The following KAT2B variants were observed in gnomAD, a reference collection of about 807,000 sequenced individuals.
The protein encoded by KAT2B is histone acetyltransferase KAT2B.
KAT2B carries 36 observed loss-of-function variants against 105.9 expected under a neutral mutation model. The ratio of observed to expected loss-of-function variants is 0.34; its 90% confidence interval spans 0.26 to 0.45. The LOEUF is 0.45. Ranked by LOEUF, KAT2B falls within the 20% of genes least tolerant of loss-of-function variation. The pLI is 1.00. For missense variants in KAT2B, 820 were observed against 1,021.6 expected, an observed-to-expected ratio of 0.80 and a Z score of 2.69; for synonymous variants, 397 against 377.9, an observed-to-expected ratio of 1.05 and a Z score of -0.59.
At chr3:20,145,905 A>G (rs957339171) in intron 13 of KAT2B, among the ~76,000 whole-genome samples, 6 of 152,172 alleles carry the variant, frequency 3.9e-5, no homozygotes, top group Admixed American at 1.3e-4. Context: ...TCCGAAGGGA[A>G]CAGTTCCTAG....
rs772295868 is a variant in KAT2B, at chr3:20,095,387, A to G, written c.555A>G (p.Gln185=). 1.3e-6 allele frequency: 2 copies of G among 1,591,084 alleles called. No homozygotes were observed. Among genetic ancestry groups the G allele is most frequent in the South Asian group, 2.2e-5 (2 of 89,930 alleles). Residue 185 remains glutamine, a synonymous_variant, in exon 3 of 18, where the codon CAA becomes CAG. Transcript: ENST00000263754. ...VHKEEDADTK[Q]VYFYLFKLLR... ...AGGAAGAAGATGCAGATACCAAACA[A>G]GTTTATTTCTATCTATTTAAGGTGA...
chr3:20,063,443 T>C (rs1377238812), intron 1 of KAT2B, among the ~76,000 whole-genome samples: 2 of 151,320 alleles, frequency 1.3e-5, no homozygotes, highest in Non-Finnish European at 2.9e-5. Context: ...CTTTCTTTCT[T>C]TTTTTTTCTT....
At chr3:20,086,053 T>C (rs1421297535) in intron 2 of KAT2B, among the ~76,000 whole-genome samples, 1 of 151,866 alleles carries the variant, frequency 6.6e-6, no homozygotes, top group Non-Finnish European at 1.5e-5. Flanking sequence ...GATGGATCGC[T>C]TGAGCTCAGA....
chr3:20,086,231 C>T (rs1698612438), intron 2 of KAT2B, among the ~76,000 whole-genome samples: 1 of 151,834 alleles, frequency 6.6e-6, no homozygotes, highest in Non-Finnish European at 1.5e-5. Flanking sequence ...CATAATTGTG[C>T]CACTACAATC....
At position 20,093,697 on chromosome 3, in the gene KAT2B, C is replaced by T. The variant is rs145686216; in HGVS notation, c.431-1566C>T. 5.3e-5 allele frequency among the ~76,000 whole-genome samples: 8 copies of T among 152,270 alleles called. No individual in the cohort carries two copies. The East Asian group carries it at 7.7e-4, about 15-fold the overall frequency. ...GGAAAAATCTATCACTTTTTAAATA[C>T]GTATTTTAATCTTTCTTTAAAAATC... On this transcript the variant is annotated intron_variant, in intron 2 of 17. Coordinates refer to ENST00000263754, the MANE Select transcript of KAT2B (RefSeq NM_003884.5).
chr3:20,111,517 C>A, intron 5 of KAT2B, 79 bp from the exon 6 acceptor site: 2 of 1,164,770 alleles, frequency 1.7e-6, no homozygotes, highest in Non-Finnish European at 2.4e-6. Context: ...GTTAATAGTA[C>A]GAGATAAACA....
intron 1 of KAT2B, among the ~76,000 whole-genome samples, chr3:20,041,846 T>A (rs940194321): frequency 7.9e-5 from 12 of 152,242 alleles, no homozygotes; most frequent in Admixed American, 7.8e-4. Context: ...CAGTGACCAC[T>A]TCTGAATTTT....
intron 2 of KAT2B, among the ~76,000 whole-genome samples, chr3:20,084,901 A>AAAAGTAAGCTACTT (rs1698586608): frequency 2.0e-5 from 3 of 152,220 alleles, no homozygotes; most frequent in African/African-American, 7.2e-5. Context: ...GTAAGCTACT[A>AAAAGTAAGCTACTT]TTTCAAAAGT....
At chr3:20,053,278 G>T (rs1697946582) in intron 1 of KAT2B, among the ~76,000 whole-genome samples, 2 of 152,202 alleles carry the variant, frequency 1.3e-5, no homozygotes, top group Admixed American at 1.3e-4. Context: ...AATCCCAGGT[G>T]TGGGATCCTA....
chr3:20,044,757 G>A (rs1319080514), intron 1 of KAT2B, among the ~76,000 whole-genome samples: 1 of 152,108 alleles, frequency 6.6e-6, no homozygotes, highest in Non-Finnish European at 1.5e-5. Context: ...AAATTCATCT[G>A]TACTCTTCCT....
At position 20,077,801 on chromosome 3, in the gene KAT2B, C is replaced by A. The variant is rs562547737; in HGVS notation, c.430+5342C>A. Among the ~76,000 whole-genome samples, 7 of 152,276 alleles carry A rather than the reference C, an allele frequency of 4.6e-5. No individual in the cohort carries two copies. In the South Asian group the frequency reaches 1.4e-3, roughly 32 times the overall value. On this transcript the variant is annotated intron_variant, in intron 2 of 17. Transcript: ENST00000263754. ...ACAAAAATTTGACAAAGGGATCTAA[C>A]AAAGTGCTTTAGTTGGTCCCAGCAT...
intron 17 of KAT2B, among the ~76,000 whole-genome samples, chr3:20,150,358 A>G (rs903887101): frequency 1.2e-4 from 19 of 152,178 alleles, no homozygotes; most frequent in African/African-American, 4.6e-4. Flanking sequence ...TGATTTTTCT[A>G]ATAACATTAC....
intron 1 of KAT2B, among the ~76,000 whole-genome samples, chr3:20,044,342 T>C (rs2125161759): frequency 6.6e-6 from 1 of 151,612 alleles, no homozygotes; most frequent in South Asian, 2.1e-4. Context: ...TAACCAGGCG[T>C]GGTGGCAGAG....
chr3:20,119,006 T>G (rs1423836979), intron 7 of KAT2B, among the ~76,000 whole-genome samples: 3 of 152,020 alleles, frequency 2.0e-5, no homozygotes, highest in Non-Finnish European at 4.4e-5. Flanking sequence ...ATGTGGTTTA[T>G]TGCAATTTTT....
intron 1 of KAT2B, among the ~76,000 whole-genome samples, chr3:20,060,460 G>T (rs1017342253): frequency 6.6e-6 from 1 of 152,146 alleles, no homozygotes; most frequent in African/African-American, 2.4e-5. Context: ...AATTAGCTGG[G>T]CATGGTGGTG....
At chr3:20,125,274 T>C (rs537147599) in intron 9 of KAT2B, among the ~76,000 whole-genome samples, 1,706 of 135,770 alleles carry the variant, frequency 0.013, 19 homozygotes, top group Non-Finnish European at 0.02. Flanking sequence ...CACTGCAGTC[T>C]GGCCTGGGCG....
chr3:20,074,464 G>C (rs541134702), intron 2 of KAT2B, among the ~76,000 whole-genome samples: 12 of 152,234 alleles, frequency 7.9e-5, no homozygotes, highest in African/African-American at 2.9e-4. Flanking sequence ...TACCTTGCAG[G>C]ATCATTGTGA....
rs763576818 is a variant in KAT2B, at chr3:20,146,363, T to C, written c.2052T>C (p.Val684=). ...GAAAACAGGCACAAATTCGAAAAGT[T>C]TACCCTGGACTTTCATGTTTTAAAG... The part of the protein sequence containing the change: ...IERKQAQIRK[V]YPGLSCFKDG... Residue 684 remains valine, a synonymous_variant, in exon 14 of 18, where the codon GTT becomes GTC. Transcript: ENST00000263754. 2 of 1,613,542 alleles carry C rather than the reference T, an allele frequency of 1.2e-6. No individual in the cohort carries two copies. The highest frequency in any genetic ancestry group is 2.7e-5 in the African/African-American group (2 of 75,034).
chr3:20,080,715 A>C (rs1251386214), intron 2 of KAT2B, among the ~76,000 whole-genome samples: 1 of 152,202 alleles, frequency 6.6e-6, no homozygotes, highest in Non-Finnish European at 1.5e-5. Context: ...GTGGCTATTG[A>C]ACACTTGCAA....
Sources: allele counts gnomAD v4.1 joint callset (sites outside exome capture counted in the v4.1 genomes callset), GRCh38; gene constraint gnomAD v4.1.1; transcripts MANE v1.5; gene names NCBI Gene and HGNC (gene_info 2026-07-23, HGNC 2026-07-21).